The following SPTA1 variants were observed in gnomAD, a reference collection of about 807,000 sequenced individuals.
SPTA1 encodes the protein spectrin alpha chain, erythrocytic 1.
In SPTA1, 177 loss-of-function variants were observed where a neutral mutation model predicts 324.7. The ratio of observed to expected loss-of-function variants is 0.55; its 90% CI spans 0.48 to 0.62. The LOEUF (loss-of-function observed/expected upper bound fraction) is 0.62, where lower values mean the gene tolerates loss of function less well. Among genes scored for constraint, SPTA1 ranks in the 20% least tolerant of loss-of-function variants. SPTA1 has a pLI of 0.00. For missense variants in SPTA1, 3,162 were observed against 2,883.6 expected (o/e 1.10, Z -2.21); for synonymous variants, 1,195 against 1,041.3 (o/e 1.15, Z -2.84).
intron 40 of SPTA1, among the ~76,000 whole-genome samples, chr1:158,627,296 T>A (rs1650345194): frequency 6.6e-6 from 1 of 152,208 alleles, no homozygotes; most frequent in Non-Finnish European, 1.5e-5. Context: ...TAGAAAGCAA[T>A]TTCTTCAAAT....
rs1353499602 is a variant in SPTA1, at chr1:158,613,768, T to C, written c.6942A>G (p.Glu2314=). ...GGAACTTCTCAAACTTGGGCTCATG[T>C]TCATCCTCCTCCACCATGGGCAAGT... ...NYYLPMVEED[E]HEPKFEKFLD... Residue 2314 remains glutamate (E), a synonymous_variant, in exon 50 of 52, where the codon GAA becomes GAG. Transcript: ENST00000643759. The C allele has an allele frequency of 1.9e-6, 3 of 1,613,788 alleles. No homozygotes were observed. The African/African-American group carries it at 4.0e-5, about 22-fold the overall frequency.
chr1:158,652,898 AACATTCCTTTCCCATTTCATAAAAGTG>A (rs1319769832), intron 22 of SPTA1, among the ~76,000 whole-genome samples: 7 of 152,222 alleles, frequency 4.6e-5, no homozygotes, highest in African/African-American at 1.7e-4. Flanking sequence ...TATGACTGGC[AACATTCCTTTCCCATTTCATAAAAGTG>A]ACATTTTTAC....
Position 158,653,325 on chromosome 1 carries a change from C to G in SPTA1, c.3137G>C (p.Arg1046Pro), listed in dbSNP as rs1652593569. The stretch of plus-strand genomic sequence containing the variant: ...GGTGATGTTTCCTGGCTCTTCTCGT[C>G]GCCGCTGTGGGAGCATCGGGAACTC... ...HDEFPMLPQR[R>P]REEPGNITQR... The change falls in exon 22 of 52, where the codon CGA becomes CCA. Residue 1046 changes from arginine to proline, a missense_variant. Transcript: ENST00000643759. The G allele has an allele frequency of 6.2e-7, 1 of 1,614,082 alleles. No homozygotes were observed. Among genetic ancestry groups the G allele is most frequent in the Non-Finnish European group, 8.5e-7 (1 of 1,180,014 alleles).
chr1:158,662,657 C>A (rs756883261), intron 17 of SPTA1, 45 bp downstream of exon 17: 9 of 1,612,362 alleles, frequency 5.6e-6, no homozygotes, highest in African/African-American at 2.7e-5. Flanking sequence ...AATATATAGA[C>A]CTTGGTCCTT....
In SPTA1 at chr1:158,663,274, C is replaced by T. The variant is rs140979115; in HGVS notation, c.2221-329G>A. On this transcript the variant is annotated intron_variant, in intron 16 of 51. Coordinates refer to ENST00000643759, the MANE Select transcript of SPTA1 (RefSeq NM_003126.4). The stretch of plus-strand genomic sequence containing the variant: ...GACAAACTGGGCCTCAAGGAAAAAA[C>T]TGGAAGTGTTTTTCTATCTCAGTTC... Among the ~76,000 whole-genome samples, 1,488 of 152,266 alleles carry T rather than the reference C, an allele frequency of 9.8e-3. 10 individuals are homozygous for T. Among genetic ancestry groups the T allele is most frequent in the South Asian group, 0.018 (89 of 4,834 alleles).
chr1:158,616,703 T>C (rs572841677), intron 47 of SPTA1, among the ~76,000 whole-genome samples: 1 of 152,360 alleles, frequency 6.6e-6, no homozygotes, highest in South Asian at 2.1e-4. Flanking sequence ...GTCTCCCTGT[T>C]ATCTCCTGTC....
rs759839647 is a variant in SPTA1 at position 158,672,214 on chromosome 1, T to A, written c.1351-18A>T. ...ATTTCCATCTTTGGAAAGAAGGAGATAATGTATATGGAAGATAATTAATTT... is the reference window on the plus strand; with the variant it reads ...ATTTCCATCTTTGGAAAGAAGGAGAAAATGTATATGGAAGATAATTAATTT... On this transcript the variant is annotated intron_variant, in intron 10 of 51. Transcript: ENST00000643759. 6.2e-7 allele frequency: 1 copy of A among 1,610,538 alleles called. No individual in the cohort carries two copies. Among genetic ancestry groups the A allele is most frequent in the African/African-American group, 1.3e-5 (1 of 74,940 alleles).
At chr1:158,653,557 G>T in intron 21 of SPTA1, 132 bp from the exon 22 acceptor site, 1 of 1,223,774 alleles carries the variant, frequency 8.2e-7, no homozygotes, top group Non-Finnish European at 1.2e-6. Flanking sequence ...TCTAATGAGT[G>T]GCACATAATT....
At position 158,672,123 on chromosome 1, in the gene SPTA1, C is replaced by T. The variant is rs1654067025; in HGVS notation, c.1424G>A (p.Cys475Tyr). Reference sequence around the variant, plus strand: ...TCTGTAGAAGAGATGAAAGTCCAAGCACTGCTCATACTGACGATGACGCTC... The same window carrying T: ...TCTGTAGAAGAGATGAAAGTCCAAGTACTGCTCATACTGACGATGACGCTC... ...WDERHRQYEQ[C>Y]LDFHLFYRDS... The change falls in exon 11 of 52, where the codon TGC (cysteine) becomes TAC (tyrosine). Residue 475 changes from cysteine to tyrosine, a missense_variant. Transcript: ENST00000643759. 6.2e-7 allele frequency: 1 copy of T among 1,614,116 alleles called. No homozygotes were observed. Among genetic ancestry groups the T allele is most frequent in the Non-Finnish European group, 8.5e-7 (1 of 1,179,998 alleles).
chr1:158,662,633 C>A, intron 17 of SPTA1, 69 bp downstream of exon 17: 1 of 1,607,776 alleles, frequency 6.2e-7, no homozygotes, highest in East Asian at 2.2e-5. Flanking sequence ...ACTACTGTAC[C>A]CCAGATCTCT....
chr1:158,617,728 T>C (rs1649646539), intron 46 of SPTA1, 140 bp from the exon 47 acceptor site: 1 of 850,958 alleles, frequency 1.2e-6, no homozygotes, highest in African/African-American at 1.7e-5. Context: ...CAGAGCCAAA[T>C]TTTCACAACC....
At chr1:158,661,232 T>C in intron 18 of SPTA1, 55 bp downstream of exon 18, 3 of 1,613,192 alleles carry the variant, frequency 1.9e-6, no homozygotes, top group Non-Finnish European at 2.5e-6. Flanking sequence ...ACAAACTTCT[T>C]CCCAGAGGTC....
At chr1:158,653,133 C>T in intron 22 of SPTA1, 141 bp downstream of exon 22, 1 of 1,346,678 alleles carries the variant, frequency 7.4e-7, no homozygotes, top group Non-Finnish European at 1.0e-6. Context: ...TTAAAAGATT[C>T]TAGGTTTACT....
intron 50 of SPTA1, 71 bp downstream of exon 50, chr1:158,613,650 A>G (rs1028628810): frequency 4.4e-6 from 7 of 1,602,620 alleles, no homozygotes; most frequent in Non-Finnish European, 6.0e-6. Context: ...TTTATGGATC[A>G]TTTTACTCTC....
At chr1:158,653,032 G>C (rs923017017) in intron 22 of SPTA1, among the ~76,000 whole-genome samples, 11 of 152,178 alleles carry the variant, frequency 7.2e-5, no homozygotes, top group African/African-American at 2.7e-4. Context: ...ATGTGGGGCA[G>C]GGAATCAGAA....
At chr1:158,683,641 T>G (rs1044340054) in intron 2 of SPTA1, 145 bp from the exon 3 acceptor site, 1 of 1,035,600 alleles carries the variant, frequency 9.7e-7, no homozygotes, top group African/African-American at 1.6e-5. Context: ...CCCACTGGCT[T>G]TAGGAAGTTT....
chr1:158,634,195 T>C (rs1163971833), intron 39 of SPTA1, among the ~76,000 whole-genome samples: 2 of 152,184 alleles, frequency 1.3e-5, no homozygotes, highest in Admixed American at 6.5e-5. Context: ...TCCAAATCAA[T>C]GTAACATGAA....
chr1:158,672,332 T>A, intron 10 of SPTA1, 136 bp from the exon 11 acceptor site: 1 of 854,994 alleles, frequency 1.2e-6, no homozygotes, highest in Non-Finnish European at 1.8e-6. Context: ...ATTCCAACTT[T>A]TAAGCAAATG....
intron 25 of SPTA1, 111 bp from the exon 26 acceptor site, chr1:158,648,764 C>T (rs1359219298): frequency 1.6e-5 from 18 of 1,107,404 alleles, no homozygotes; most frequent in East Asian, 2.7e-5. Context: ...TCCCACCCAC[C>T]CCCCCACCCC....
Sources: allele counts gnomAD v4.1 joint callset (sites outside exome capture counted in the v4.1 genomes callset), GRCh38; gene constraint gnomAD v4.1.1; transcripts MANE v1.5; gene names NCBI Gene and HGNC (gene_info 2026-07-23, HGNC 2026-07-21).